ERBB4: variants seen among roughly 807,000 people sequenced by gnomAD.
The protein encoded by ERBB4 is receptor tyrosine-protein kinase erbB-4.
A neutral mutation model predicts 158.0 loss-of-function variants in ERBB4; 42 were observed. That is an observed-to-expected ratio of 0.27 (90% CI 0.21 to 0.34). The LOEUF (loss-of-function observed/expected upper bound fraction) is 0.34. Among genes scored for constraint, ERBB4 ranks in the 10% least tolerant of loss-of-function variants. ERBB4 has a pLI of 1.00. For synonymous variants in ERBB4, 583 were observed against 558.7 expected (o/e 1.04, Z -0.61); for missense variants, 1,333 against 1,624.1 (o/e 0.82, Z 3.08).
At chr2:212,462,624 A>G (rs2106077821) in intron 1 of ERBB4, among the ~76,000 whole-genome samples, 2 of 152,298 alleles carry the variant, frequency 1.3e-5, no homozygotes, top group South Asian at 4.1e-4. Flanking sequence ...AGGGATGCCA[A>G]AAAAGGAGAA....
Position 211,747,085 on chromosome 2 carries a change from C to T in ERBB4, c.622+3554G>A, listed in dbSNP as rs188939498. Among the ~76,000 whole-genome samples, 509 of 152,240 alleles carry T rather than the reference C, an allele frequency of 3.3e-3. 1 individual carries two copies. Among genetic ancestry groups the T allele is most frequent in the South Asian group, 4.8e-3 (23 of 4,824 alleles). On this transcript the variant is annotated intron_variant, in intron 5 of 27. Coordinates refer to ENST00000342788, the MANE Select transcript of ERBB4 (RefSeq NM_005235.3). ...AAATGGAAACCTCAATTAGCTTTAACATCTCTTCAGGTTCAAGTTTCTAAG... is the reference window on the plus strand; with the variant it reads ...AAATGGAAACCTCAATTAGCTTTAATATCTCTTCAGGTTCAAGTTTCTAAG...
chr2:212,090,186 ACT>A (rs1355415931), intron 2 of ERBB4, among the ~76,000 whole-genome samples: 26 of 152,128 alleles, frequency 1.7e-4, no homozygotes, highest in South Asian at 2.1e-4. Context: ...CTGAAAATAA[ACT>A]CTACCAAATC....
chr2:212,052,578 T>C (rs770460038), intron 2 of ERBB4, among the ~76,000 whole-genome samples: 5 of 152,214 alleles, frequency 3.3e-5, no homozygotes, highest in Non-Finnish European at 7.3e-5. Flanking sequence ...ACTTAAAATG[T>C]GAAACCAGCC....
chr2:212,401,481 A>G (rs961508393), intron 1 of ERBB4, among the ~76,000 whole-genome samples: 1 of 152,148 alleles, frequency 6.6e-6, no homozygotes, highest in African/African-American at 2.4e-5. Context: ...AAAAGTTTTT[A>G]TATTTGTTAA....
intron 19 of ERBB4, among the ~76,000 whole-genome samples, chr2:211,582,721 C>T (rs2068141675): frequency 6.6e-6 from 1 of 152,116 alleles, no homozygotes; most frequent in Admixed American, 6.5e-5. Flanking sequence ...ATAAATTCTT[C>T]ATCTTTTAGC....
rs187149661 is a variant in ERBB4 at position 211,729,141 on chromosome 2, C to T, written c.623-3947G>A. ...AAATTTTTGAAAATAGCAACTTTTC[C>T]ACATAGTATTCAAATATTTAATATT... On this transcript the variant is annotated intron_variant, in intron 5 of 27. Coordinates refer to ENST00000342788, the MANE Select transcript of ERBB4 (RefSeq NM_005235.3). Among the ~76,000 whole-genome samples, 144 of 151,722 alleles carry T rather than the reference C, an allele frequency of 9.5e-4. 1 individual carries two copies. The highest frequency in any genetic ancestry group is 1.7e-3 in the East Asian group (9 of 5,176).
chr2:212,140,071 A>G (rs2080401251), intron 1 of ERBB4, among the ~76,000 whole-genome samples: 1 of 151,828 alleles, frequency 6.6e-6, no homozygotes, highest in Non-Finnish European at 1.5e-5. Flanking sequence ...AAGAAGACTT[A>G]ATGCAAGTCA....
intron 20 of ERBB4, among the ~76,000 whole-genome samples, chr2:211,463,132 C>T (rs2064579653): frequency 6.6e-6 from 1 of 152,152 alleles, no homozygotes; most frequent in South Asian, 2.1e-4. Context: ...TCTTTAGTTA[C>T]ATGCTGTGAT....
At chr2:211,448,646 A>C (rs1046262725) in intron 20 of ERBB4, among the ~76,000 whole-genome samples, 3 of 152,168 alleles carry the variant, frequency 2.0e-5, no homozygotes, top group African/African-American at 7.2e-5. Context: ...AGGACCAATA[A>C]AGGTTAGAAT....
At chr2:212,072,035 T>C (rs2078136395) in intron 2 of ERBB4, among the ~76,000 whole-genome samples, 1 of 151,990 alleles carries the variant, frequency 6.6e-6, no homozygotes, top group African/African-American at 2.4e-5. Flanking sequence ...ACTTCCATAG[T>C]CGTACAGGTA....
rs186780855 is a variant in ERBB4 at position 212,396,886 on chromosome 2, A to G, written c.82+141563T>C. Reference sequence around the variant, plus strand: ...AGTTTTCATCATAATAACCTCCTACATTTTAAACAAATAAGAATGTGTCTG... The same window carrying G: ...AGTTTTCATCATAATAACCTCCTACGTTTTAAACAAATAAGAATGTGTCTG... On this transcript the variant is annotated intron_variant, in intron 1 of 27. Coordinates refer to ENST00000342788, the MANE Select transcript of ERBB4 (RefSeq NM_005235.3). Among the ~76,000 whole-genome samples, 237 of 152,298 alleles carry G rather than the reference A, an allele frequency of 1.6e-3. 1 individual carries two copies. The highest frequency in any genetic ancestry group is 2.3e-3 in the Non-Finnish European group (159 of 68,010).
intron 1 of ERBB4, among the ~76,000 whole-genome samples, chr2:212,431,388 A>G (rs1019683664): frequency 6.6e-6 from 1 of 150,830 alleles, no homozygotes; most frequent in African/African-American, 2.4e-5. Context: ...ATCTCTCAGT[A>G]ATTCCTGCAG....
In ERBB4 at chr2:211,377,745, G is replaced by A. The variant is rs188409270; in HGVS notation, c.*5870C>T. 59 of 232,444 alleles carry A rather than the reference G, an allele frequency of 2.5e-4. No individual in the cohort carries two copies. The East Asian group carries it at 3.2e-3, about 13-fold the overall frequency. 14.4% of individuals were successfully genotyped at this position (232,444 alleles called of 1,614,324 possible). ...GGCAAAAATAACTTCTTGGTTATAT[G>A]TACAGCTTTTATGTAAAGATTAAAT... On this transcript the variant is annotated 3_prime_UTR_variant, in exon 28 of 28. Coordinates refer to ENST00000342788, the MANE Select transcript of ERBB4 (RefSeq NM_005235.3).
At chr2:211,409,063 G>T (rs1330195049) in intron 25 of ERBB4, among the ~76,000 whole-genome samples, 1 of 152,100 alleles carries the variant, frequency 6.6e-6, no homozygotes, top group African/African-American at 2.4e-5. Context: ...AAATAAAGTA[G>T]AAGTCTGTAC....
chr2:211,566,297 G>T (rs1267111167), intron 19 of ERBB4, among the ~76,000 whole-genome samples: 2 of 152,132 alleles, frequency 1.3e-5, no homozygotes, highest in Non-Finnish European at 2.9e-5. Flanking sequence ...TTCAACATGG[G>T]GATCAGAACT....
At chr2:211,684,119 A>C (rs1210203320) in intron 12 of ERBB4, among the ~76,000 whole-genome samples, 1 of 152,062 alleles carries the variant, frequency 6.6e-6, no homozygotes, top group East Asian at 1.9e-4. Context: ...TATAAACTTT[A>C]TAATACTAAT....
At chr2:212,137,070 T>C (rs942475479) in intron 1 of ERBB4, among the ~76,000 whole-genome samples, 3 of 152,184 alleles carry the variant, frequency 2.0e-5, no homozygotes, top group Non-Finnish European at 4.4e-5. Flanking sequence ...AACTAGATTC[T>C]ATAATCTCCA....
chr2:211,558,775 A>G (rs2067306403), intron 20 of ERBB4, among the ~76,000 whole-genome samples: 1 of 152,062 alleles, frequency 6.6e-6, no homozygotes, highest in Non-Finnish European at 1.5e-5. Context: ...AGAAAAAAAA[A>G]ATAAAGGAAG....
At chr2:211,813,887 G>A (rs2076818987) in intron 3 of ERBB4, among the ~76,000 whole-genome samples, 3 of 152,000 alleles carry the variant, frequency 2.0e-5, no homozygotes, top group African/African-American at 7.3e-5. Flanking sequence ...CTTTTAATTA[G>A]AGCATTGGAC....
Sources: gnomAD v4.1 joint callset for allele counts (sites outside exome capture counted in the v4.1 genomes callset) on GRCh38, gnomAD v4.1.1 for gene constraint, MANE v1.5 for transcripts, NCBI Gene and HGNC (gene_info 2026-07-23, HGNC 2026-07-21) for gene names.